Variants in COL19A1 observed in about 807,000 individuals in gnomAD.
COL19A1 encodes the protein collagen type XIX alpha 1 chain, also known as collagen alpha-1(XIX) chain.
Under a neutral mutation model 190.2 loss-of-function variants are expected in COL19A1, and 159 were observed. That is an observed-to-expected ratio of 0.84 (90% CI 0.73 to 0.95). The LOEUF (loss-of-function observed/expected upper bound fraction) is 0.95, where lower values mean the gene tolerates loss of function less well. Ranked by LOEUF, COL19A1 falls within the 40% of genes least tolerant of loss-of-function variation. COL19A1 has a pLI of 0.00. For missense variants in COL19A1, 1,418 were observed against 1,431.9 expected (o/e 0.99, Z 0.16); for synonymous variants, 509 against 458.9 (o/e 1.11, Z -1.39).
At chr6:69,868,934 G>C (rs1767650485) in intron 1 of COL19A1, among the ~76,000 whole-genome samples, 1 of 152,010 alleles carries the variant, frequency 6.6e-6, no homozygotes, top group South Asian at 2.1e-4. Flanking sequence ...GTGTGACTAA[G>C]AGGCATCACA....
At chr6:69,886,402 A>G (rs149343172) in intron 2 of COL19A1, among the ~76,000 whole-genome samples, 13 of 152,332 alleles carry the variant, frequency 8.5e-5, no homozygotes, top group Admixed American at 5.2e-4. Context: ...TGGTATAGCC[A>G]TTATGGAAAA....
intron 11 of COL19A1, among the ~76,000 whole-genome samples, chr6:69,991,190 T>C (rs1776600860): frequency 2.6e-5 from 4 of 152,030 alleles, no homozygotes; most frequent in Non-Finnish European, 5.9e-5. Context: ...TAATGGACTC[T>C]AGCTCCATCC....
At chr6:70,118,700 G>C (rs900326729) in intron 16 of COL19A1, among the ~76,000 whole-genome samples, 2 of 152,170 alleles carry the variant, frequency 1.3e-5, no homozygotes, top group African/African-American at 4.8e-5. Context: ...GACAAAAGCA[G>C]AACATATGAA....
At chr6:69,931,683 A>G (rs1772767809) in intron 6 of COL19A1, among the ~76,000 whole-genome samples, 1 of 152,136 alleles carries the variant, frequency 6.6e-6, no homozygotes, top group East Asian at 1.9e-4. Context: ...ATAACCTTGC[A>G]AAAAGTTACA....
At chr6:69,923,338 A>C (rs1772125756) in intron 4 of COL19A1, among the ~76,000 whole-genome samples, 1 of 152,174 alleles carries the variant, frequency 6.6e-6, no homozygotes, top group African/African-American at 2.4e-5. Flanking sequence ...TCAGAATCAC[A>C]GTGAAAACTA....
Position 69,944,642 on chromosome 6 carries a change from G to C in COL19A1, c.936+6542G>C, listed in dbSNP as rs79449321. Reference sequence around the variant, plus strand: ...AAGCATCAAAAATATTTTGCAAAAAGCCAGAAGTTTTGGCAAAACTTAATA... The same window carrying C: ...AAGCATCAAAAATATTTTGCAAAAACCCAGAAGTTTTGGCAAAACTTAATA... On this transcript the variant is annotated intron_variant, in intron 9 of 50. Coordinates refer to ENST00000620364, the MANE Select transcript of COL19A1 (RefSeq NM_001858.6). Among the ~76,000 whole-genome samples the C allele has an allele frequency of 3.4e-3, 520 of 152,120 alleles. 3 individuals carry two copies. The highest frequency in any genetic ancestry group is 0.012 in the African/African-American group (501 of 41,538).
chr6:69,942,773 TAA>T (rs1298192526), intron 9 of COL19A1, among the ~76,000 whole-genome samples: 12 of 151,652 alleles, frequency 7.9e-5, no homozygotes, highest in Non-Finnish European at 1.8e-4. Flanking sequence ...TGTGTGTGTA[TAA>T]AACATTTTCT....
rs1223464556 is a variant in COL19A1 at position 70,209,785 on chromosome 6, T to G, written c.*2511T>G. The stretch of plus-strand genomic sequence containing the variant: ...AAGCCTTTCTCACCCTACTCTATTA[T>G]TTACCTTCAGATACTTTTTCCTGCC... On this transcript the variant is annotated 3_prime_UTR_variant, in exon 51 of 51. Coordinates refer to ENST00000620364, the MANE Select transcript of COL19A1 (RefSeq NM_001858.6). 6.6e-6 allele frequency: 1 copy of G among 152,220 alleles called. No individual in the cohort carries two copies. Among genetic ancestry groups the G allele is most frequent in the Non-Finnish European group, 1.5e-5 (1 of 68,036 alleles). The allele number at this position is 152,220 out of a possible 1,614,324, so 9.4% of individuals were successfully genotyped here.
At chr6:70,137,054 A>ATATT (rs3840403) in intron 18 of COL19A1, among the ~76,000 whole-genome samples, 14,190 of 152,128 alleles carry the variant, frequency 0.093, 1,207 homozygotes, top group African/African-American at 0.22. Flanking sequence ...TTCTCAAATT[A>ATATT]TATTTTCCAA....
intron 15 of COL19A1, among the ~76,000 whole-genome samples, chr6:70,085,765 T>G (rs1782548551): frequency 6.6e-6 from 1 of 152,096 alleles, no homozygotes. Context: ...TTCAAAGCTC[T>G]AAGAAACTGG....
intron 19 of COL19A1, among the ~76,000 whole-genome samples, chr6:70,139,094 G>A (rs1042150999): frequency 2.0e-5 from 3 of 152,082 alleles, no homozygotes; most frequent in Non-Finnish European, 4.4e-5. Flanking sequence ...CTGGAAAATC[G>A]AGGATTTTTA....
At chr6:70,176,651 G>T in intron 42 of COL19A1, 87 bp downstream of exon 42, 7 of 1,316,802 alleles carry the variant, frequency 5.3e-6, no homozygotes, top group Non-Finnish European at 7.4e-6. Flanking sequence ...AGACAGGCAG[G>T]AGAGCATACC....
chr6:70,142,734 C>T, intron 22 of COL19A1, 33 bp from the exon 23 acceptor site: 1 of 1,574,618 alleles, frequency 6.4e-7, no homozygotes, highest in Middle Eastern at 1.7e-4. Flanking sequence ...TCTTTTTTAG[C>T]AAAGCTAAAG....
chr6:70,186,824 A>C (rs920620683), intron 46 of COL19A1, among the ~76,000 whole-genome samples: 8 of 152,158 alleles, frequency 5.3e-5, no homozygotes, highest in African/African-American at 1.9e-4. Context: ...GGCACATCTA[A>C]TATAATATTT....
At chr6:70,193,245 G>A (rs1034644216) in intron 48 of COL19A1, among the ~76,000 whole-genome samples, 18 of 152,138 alleles carry the variant, frequency 1.2e-4, no homozygotes, top group African/African-American at 2.2e-4. Flanking sequence ...GGAAGGCTCC[G>A]TCCTGCCCAC....
At chr6:70,204,957 C>T (rs1767770328) in intron 49 of COL19A1, among the ~76,000 whole-genome samples, 1 of 152,048 alleles carries the variant, frequency 6.6e-6, no homozygotes, top group East Asian at 1.9e-4. Context: ...TTTTTTCCTG[C>T]TGTTCACATA....
At position 70,142,756 on chromosome 6, in the gene COL19A1, T is replaced by C; in HGVS notation, c.1573-11T>C. ...TAGCAAAGCTAAAGTATATACCACC[T>C]TTTATTTTAGGGTCAGCAAGGATCT... On this transcript the variant is annotated splice_polypyrimidine_tract_variant and intron_variant, in intron 22 of 50. Transcript: ENST00000620364. The C allele has an allele frequency of 1.2e-6, 2 of 1,608,462 alleles. No individual in the cohort carries two copies. Among genetic ancestry groups the C allele is most frequent in the South Asian group, 2.2e-5 (2 of 90,002 alleles).
intron 27 of COL19A1, among the ~76,000 whole-genome samples, chr6:70,149,187 A>G (rs529567658): frequency 2.0e-4 from 31 of 152,196 alleles, no homozygotes; most frequent in Admixed American, 4.6e-4. Flanking sequence ...TACAACTACC[A>G]TCGTTAAGTT....
intron 4 of COL19A1, among the ~76,000 whole-genome samples, chr6:69,922,334 T>G (rs913022344): frequency 2.6e-5 from 4 of 151,452 alleles, no homozygotes; most frequent in African/African-American, 9.7e-5. Flanking sequence ...TTTATTTCAA[T>G]GTATATTTTA....
Sources: allele counts gnomAD v4.1 joint callset (sites outside exome capture counted in the v4.1 genomes callset), GRCh38; gene constraint gnomAD v4.1.1; transcripts MANE v1.5; gene names NCBI Gene and HGNC (gene_info 2026-07-23, HGNC 2026-07-21).